FAM178B: variants seen among roughly 807,000 people sequenced by gnomAD.
The protein encoded by FAM178B is family with sequence similarity 178 member B.
A neutral mutation model predicts 91.7 loss-of-function variants in FAM178B; 82 were observed. The observed-to-expected ratio is 0.89, with a 90% CI of 0.75 to 1.07. The LOEUF is 1.07. Ranked by LOEUF, FAM178B falls within the 50% of genes least tolerant of loss-of-function variation. The pLI is 0.00. For missense variants in FAM178B, 769 were observed against 846.7 expected, an observed-to-expected ratio of 0.91 and a Z score of 1.14; for synonymous variants, 368 against 359.4, an observed-to-expected ratio of 1.02 and a Z score of -0.27.
intron 1 of FAM178B, among the ~76,000 whole-genome samples, chr2:96,975,274 C>T (rs914021805): frequency 1.3e-5 from 2 of 152,084 alleles, no homozygotes; most frequent in African/African-American, 2.4e-5. Context: ...ATGTATAGTA[C>T]ACTGTATAGT....
intron 4 of FAM178B, among the ~76,000 whole-genome samples, chr2:96,969,322 G>A (rs566573483): frequency 3.3e-5 from 5 of 152,322 alleles, no homozygotes; most frequent in Non-Finnish European, 7.4e-5. Flanking sequence ...GACAGGCCCT[G>A]ATCCCACAGG....
intron 9 of FAM178B, 93 bp from the exon 10 acceptor site, chr2:96,923,676 C>T: frequency 1.1e-6 from 1 of 900,862 alleles, no homozygotes; most frequent in Non-Finnish European, 1.8e-6. Flanking sequence ...TGCCCTGAGG[C>T]TGCTCATCCG....
chr2:96,908,748 CGT>C (rs1366989400), intron 12 of FAM178B, among the ~76,000 whole-genome samples: 2 of 152,056 alleles, frequency 1.3e-5, no homozygotes, highest in Non-Finnish European at 2.9e-5. Context: ...TCCATTCACA[CGT>C]ATTATAAGTA....
At chr2:96,958,531 A>G (rs1306764472) in intron 6 of FAM178B, among the ~76,000 whole-genome samples, 1 of 151,690 alleles carries the variant, frequency 6.6e-6, no homozygotes, top group African/African-American at 2.4e-5. Flanking sequence ...TCTACAAAAA[A>G]ATACAAAAAT....
At chr2:96,881,199 G>A (rs1185076954) in intron 14 of FAM178B, among the ~76,000 whole-genome samples, 1 of 151,460 alleles carries the variant, frequency 6.6e-6, no homozygotes, top group Non-Finnish European at 1.5e-5. Context: ...GAGCCTGGGA[G>A]GTTGAGGCTG....
chr2:96,947,856 A>G lies in FAM178B; in HGVS notation c.1040T>C (p.Leu347Pro), dbSNP rs372959598. The change falls in exon 8 of 17, where the codon CTG (leucine) becomes CCG (proline). Residue 347 changes from leucine to proline, a missense_variant. Leu to Pro is a moderately conservative substitution (Grantham distance 98). Transcript: ENST00000490605. ...GATTCCATCCACAATGAGATCCCAC[A>G]GAAGACCAAAGGCTCCCAAAGATGT... ...PETSLGAFGL[L>P]WDLIVDGIFL... 99 of 1,549,288 alleles carry G rather than the reference A, an allele frequency of 6.4e-5. No homozygotes were observed. The highest frequency in any genetic ancestry group is 2.0e-5 in the Admixed American group (1 of 50,968).
chr2:96,957,285 AG>A (rs1242236310), intron 6 of FAM178B, among the ~76,000 whole-genome samples: 1 of 152,198 alleles, frequency 6.6e-6, no homozygotes, highest in Admixed American at 6.5e-5. Context: ...CCTTGGCACA[AG>A]GAGGAAATGA....
At position 96,972,149 on chromosome 2, in the gene FAM178B, A is replaced by C; in HGVS notation, c.316T>G (p.Phe106Val). ...KPKIQAPGET[F>V]PTDWSPPPVE... ...GGCGGGGGGCTCCAGTCAGTGGGAAACGTTTCCCCAGGTGCCTGTATCTTG... is the reference window on the plus strand; with the variant it reads ...GGCGGGGGGCTCCAGTCAGTGGGAACCGTTTCCCCAGGTGCCTGTATCTTG... The change falls in exon 3 of 17, where the codon TTT becomes GTT. Residue 106 changes from phenylalanine to valine, a missense_variant. Phe to Val is a conservative substitution (Grantham distance 50). Coordinates refer to ENST00000490605, the MANE Select transcript of FAM178B (RefSeq NM_001122646.3). 6.5e-7 allele frequency: 1 copy of C among 1,540,774 alleles called. No individual in the cohort carries two copies. Among genetic ancestry groups the C allele is most frequent in the Non-Finnish European group, 8.8e-7 (1 of 1,142,068 alleles).
intron 4 of FAM178B, among the ~76,000 whole-genome samples, chr2:96,968,462 T>G (rs528421938): frequency 1.3e-5 from 2 of 151,944 alleles, no homozygotes; most frequent in African/African-American, 4.8e-5. Flanking sequence ...CCCCAGCCCC[T>G]GTCTGGTCCC....
intron 6 of FAM178B, among the ~76,000 whole-genome samples, chr2:96,959,199 GAAAAAAAAA>G (rs57498168): frequency 7.3e-5 from 6 of 82,134 alleles, no homozygotes; most frequent in Admixed American, 1.5e-4. Flanking sequence ...ACTCAGTTTT[GAAAAAAAAA>G]AAAAAAAAAA....
chr2:96,908,741 A>C (rs2081100207), intron 12 of FAM178B, among the ~76,000 whole-genome samples: 1 of 152,186 alleles, frequency 6.6e-6, no homozygotes, highest in African/African-American at 2.4e-5. Context: ...GGGTCCTTCC[A>C]TTCACACGTA....
At chr2:96,900,568 G>T (rs559150133) in intron 13 of FAM178B, among the ~76,000 whole-genome samples, 4 of 152,228 alleles carry the variant, frequency 2.6e-5, no homozygotes, top group Non-Finnish European at 5.9e-5. Context: ...AAAAGATCAG[G>T]GGGTGGCCAC....
intron 7 of FAM178B, among the ~76,000 whole-genome samples, chr2:96,948,372 T>C (rs951081300): frequency 2.6e-5 from 4 of 152,218 alleles, no homozygotes; most frequent in African/African-American, 9.6e-5. Flanking sequence ...CTTAACACAC[T>C]GTCATCTGAG....
intron 7 of FAM178B, chr2:96,949,919 A>C (rs767405817): frequency 4.0e-5 from 38 of 946,224 alleles, no homozygotes; most frequent in Non-Finnish European, 4.4e-5. Context: ...GATGCTAAGA[A>C]ACCTGTCTGT....
At chr2:96,953,048 T>G (rs189982989) in intron 6 of FAM178B, among the ~76,000 whole-genome samples, 277 of 152,320 alleles carry the variant, frequency 1.8e-3, no homozygotes, top group African/African-American at 6.4e-3. Context: ...TCTGAGAATG[T>G]CCAGGCAGTT....
chr2:96,891,358 C>A (rs1418946404), intron 14 of FAM178B, among the ~76,000 whole-genome samples: 2 of 152,172 alleles, frequency 1.3e-5, no homozygotes, highest in African/African-American at 4.8e-5. Flanking sequence ...CTTAATGATA[C>A]AAAGACCTTA....
intron 8 of FAM178B, among the ~76,000 whole-genome samples, chr2:96,941,689 C>A (rs542509272): frequency 6.6e-6 from 1 of 152,216 alleles, no homozygotes; most frequent in African/African-American, 2.4e-5. Flanking sequence ...TTATATCCCC[C>A]TCCTCCTACA....
chr2:96,881,360 A>C (rs2080378850), intron 14 of FAM178B, among the ~76,000 whole-genome samples: 1 of 151,956 alleles, frequency 6.6e-6, no homozygotes, highest in African/African-American at 2.4e-5. Flanking sequence ...TGCCGAAGAA[A>C]ACATCCAAGG....
intron 4 of FAM178B, among the ~76,000 whole-genome samples, 179 bp downstream of exon 4, chr2:96,970,537 T>C (rs2082203307): frequency 6.6e-6 from 1 of 152,132 alleles, no homozygotes; most frequent in Non-Finnish European, 1.5e-5. Context: ...GGGGGCTCTC[T>C]GCCTTGGTGA....
Sources: allele counts gnomAD v4.1 joint callset (sites outside exome capture counted in the v4.1 genomes callset), GRCh38; gene constraint gnomAD v4.1.1; transcripts MANE v1.5; gene names NCBI Gene and HGNC (gene_info 2026-07-23, HGNC 2026-07-21).